MGMT: variants seen among roughly 807,000 people sequenced by gnomAD.
The protein encoded by MGMT is methylated-DNA--protein-cysteine methyltransferase.
A neutral mutation model predicts 15.9 loss-of-function variants in MGMT; 14 were observed. That is an observed-to-expected ratio of 0.88 (90% CI 0.58 to 1.37). The LOEUF is 1.37. Among genes scored for constraint, MGMT ranks in the 40% most tolerant of loss-of-function variants. The pLI is 0.00. For missense variants in MGMT, 282 were observed against 268.1 expected (o/e 1.05, Z -0.36); for synonymous variants, 130 against 118.2 (o/e 1.10, Z -0.65).
chr10:129,765,369 C>T (rs542892570), intron 4 of MGMT, among the ~76,000 whole-genome samples: 10 of 149,096 alleles, frequency 6.7e-5, no homozygotes, highest in Non-Finnish European at 1.5e-4. Context: ...GCCCTGGAGC[C>T]CCCAGAGCCC....
At chr10:129,763,899 C>T (rs1848902905) in intron 4 of MGMT, among the ~76,000 whole-genome samples, 1 of 152,208 alleles carries the variant, frequency 6.6e-6, no homozygotes, top group Non-Finnish European at 1.5e-5. Context: ...ATGTTAAAAA[C>T]AGTCAGCCCT....
intron 2 of MGMT, among the ~76,000 whole-genome samples, chr10:129,538,919 C>A (rs992341721): frequency 2.0e-5 from 3 of 152,194 alleles, no homozygotes; most frequent in African/African-American, 7.2e-5. Flanking sequence ...CAGGCGTGAG[C>A]CACTGCGCCT....
At chr10:129,596,095 G>A (rs533255311) in intron 2 of MGMT, among the ~76,000 whole-genome samples, 2 of 140,124 alleles carry the variant, frequency 1.4e-5, no homozygotes, top group South Asian at 2.6e-4. Flanking sequence ...CCCCTGCCCC[G>A]CCCTGCCCCT....
intron 2 of MGMT, among the ~76,000 whole-genome samples, chr10:129,567,779 C>A (rs1846373491): frequency 6.6e-6 from 1 of 152,118 alleles, no homozygotes; most frequent in East Asian, 1.9e-4. Context: ...TGTTCTTGGT[C>A]AAAATTGGCT....
At position 129,566,158 on chromosome 10, in the gene MGMT, C is replaced by A. The variant is rs1260229144; in HGVS notation, c.125+29781C>A. On this transcript the variant is annotated intron_variant, in intron 2 of 4. Coordinates refer to ENST00000651593, the MANE Select transcript of MGMT (RefSeq NM_002412.5). The surrounding 1 kb of genome is among the most constrained non-coding windows in gnomAD (Gnocchi z 4.1). ...GAGCAGGGTTCCCAGTGCCCCCAGG[C>A]TCTACTTTGCTCTGCCTGGTCTCAG... is the stretch of plus-strand genomic sequence containing the variant. Among the ~76,000 whole-genome samples the A allele has an allele frequency of 1.3e-5, 2 of 152,208 alleles. No homozygotes were observed. The highest frequency in any genetic ancestry group is 2.9e-5 in the Non-Finnish European group (2 of 68,038).
intron 1 of MGMT, among the ~76,000 whole-genome samples, chr10:129,515,777 T>G (rs12264468): frequency 0.16 from 23,786 of 152,134 alleles, 2,606 homozygotes; most frequent in African/African-American, 0.3. Context: ...AAAAGCAGGT[T>G]TACTTAGCGG....
At chr10:129,718,256 T>C (rs941473564) in intron 3 of MGMT, among the ~76,000 whole-genome samples, 1 of 152,258 alleles carries the variant, frequency 6.6e-6, no homozygotes, top group Non-Finnish European at 1.5e-5. Context: ...GGCTTCGACC[T>C]GGCATGCAGT....
intron 2 of MGMT, among the ~76,000 whole-genome samples, chr10:129,581,182 G>A (rs1220491466): frequency 6.6e-6 from 1 of 152,186 alleles, no homozygotes; most frequent in African/African-American, 2.4e-5. Flanking sequence ...ACCTGTCGCG[G>A]GCTGAGCTTT....
intron 2 of MGMT, among the ~76,000 whole-genome samples, chr10:129,571,517 G>A (rs1224321882): frequency 2.0e-5 from 3 of 152,160 alleles, no homozygotes; most frequent in Non-Finnish European, 2.9e-5. Context: ...AGACGGGGCC[G>A]CATAATGGAG....
intron 2 of MGMT, among the ~76,000 whole-genome samples, chr10:129,681,629 T>G (rs1847853680): frequency 6.6e-6 from 1 of 152,200 alleles, no homozygotes; most frequent in African/African-American, 2.4e-5. Flanking sequence ...GTGGGTCCAC[T>G]TACATGTGGA....
At chr10:129,487,620 C>T (rs1845422336) in intron 1 of MGMT, among the ~76,000 whole-genome samples, 1 of 151,524 alleles carries the variant, frequency 6.6e-6, no homozygotes, top group Non-Finnish European at 1.5e-5. Flanking sequence ...ATATGAAATG[C>T]CTGTTCATAT....
intron 1 of MGMT, among the ~76,000 whole-genome samples, chr10:129,520,426 A>G (rs1487029170): frequency 8.1e-6 from 1 of 122,790 alleles, no homozygotes; most frequent in Admixed American, 8.4e-5. Context: ...TACCGTGCGC[A>G]TACAGAGCCC....
At chr10:129,691,266 G>A (rs1847966750) in intron 2 of MGMT, among the ~76,000 whole-genome samples, 1 of 152,208 alleles carries the variant, frequency 6.6e-6, no homozygotes. Flanking sequence ...TCCCCTGCCG[G>A]TCCTCAGAAA....
intron 3 of MGMT, among the ~76,000 whole-genome samples, chr10:129,754,196 G>C (rs1006754008): frequency 2.6e-5 from 4 of 152,102 alleles, no homozygotes; most frequent in African/African-American, 9.7e-5. Context: ...ACAGCTTTTT[G>C]GTTTGCTTCC....
chr10:129,715,925 C>T (rs573603392), intron 3 of MGMT, among the ~76,000 whole-genome samples: 2 of 152,204 alleles, frequency 1.3e-5, no homozygotes, highest in South Asian at 2.1e-4. Flanking sequence ...TTTCATGTGT[C>T]AGAATGGAAA....
intron 2 of MGMT, among the ~76,000 whole-genome samples, chr10:129,587,006 G>C (rs59052696): frequency 6.6e-6 from 1 of 152,136 alleles, no homozygotes; most frequent in Non-Finnish European, 1.5e-5. Context: ...TATTTTTGCT[G>C]TGCAAAGAAT....
intron 2 of MGMT, among the ~76,000 whole-genome samples, chr10:129,658,343 C>G (rs991774182): frequency 1.3e-5 from 2 of 152,124 alleles, no homozygotes; most frequent in African/African-American, 4.8e-5. Context: ...CAGGGATTTG[C>G]TACTCTATTT....
rs189049943 is a variant in MGMT at position 129,595,207 on chromosome 10, A to G, written c.125+58830A>G. Among the ~76,000 whole-genome samples the G allele has an allele frequency of 2.0e-5, 3 of 152,294 alleles. No individual in the cohort carries two copies. The East Asian group carries it at 5.8e-4, about 29-fold the overall frequency. On this transcript the variant is annotated intron_variant, in intron 2 of 4. Transcript: ENST00000651593. Reference sequence around the variant, plus strand: ...AGAGGCATCCAGAATTCTCCTCGGCACAGGAGGGTGCAGCCATGGTGCCTT... The same window carrying G: ...AGAGGCATCCAGAATTCTCCTCGGCGCAGGAGGGTGCAGCCATGGTGCCTT...
intron 2 of MGMT, among the ~76,000 whole-genome samples, chr10:129,706,847 C>T (rs901626092): frequency 9.2e-5 from 14 of 152,104 alleles, no homozygotes; most frequent in African/African-American, 3.4e-4. Flanking sequence ...CCATGAGGGC[C>T]CACCAGGTCG....
Sources: gnomAD v4.1 joint callset for allele counts (sites outside exome capture counted in the v4.1 genomes callset) on GRCh38, gnomAD v4.1.1 for gene constraint, Gnocchi (gnomAD v3.1) non-coding constraint, MANE v1.5 for transcripts, NCBI Gene and HGNC (gene_info 2026-07-23, HGNC 2026-07-21) for gene names.